Variants in BNC2 observed in about 807,000 individuals in gnomAD.
BNC2 encodes the protein basonuclin zinc finger protein 2.
A neutral mutation model predicts 76.3 loss-of-function variants in BNC2; 20 were observed. The observed-to-expected ratio is 0.26, with a 90% confidence interval of 0.18 to 0.38. The LOEUF is 0.38. Ranked by LOEUF, BNC2 falls within the 10% of genes least tolerant of loss-of-function variation. The probability of loss-of-function intolerance (pLI) is 1.00; values close to 1 mark genes in which losing one functional copy is unlikely to be tolerated. For synonymous variants in BNC2, 582 were observed against 514.8 expected (o/e 1.13, Z -1.77); for missense variants, 1,382 against 1,399.8 (o/e 0.99, Z 0.20).
intron 5 of BNC2, among the ~76,000 whole-genome samples, chr9:16,522,176 G>C (rs1817640836): frequency 6.6e-6 from 1 of 152,180 alleles, no homozygotes; most frequent in African/African-American, 2.4e-5. Flanking sequence ...GGAGGAGAGG[G>C]GAAGAGCAAC....
At chr9:16,525,762 C>T (rs1817780388) in intron 5 of BNC2, among the ~76,000 whole-genome samples, 1 of 152,108 alleles carries the variant, frequency 6.6e-6, no homozygotes, top group South Asian at 2.1e-4. Context: ...AATGTGCTCA[C>T]TATATTCCCC....
intron 1 of BNC2, among the ~76,000 whole-genome samples, chr9:16,790,918 T>A (rs945998538): frequency 2.0e-5 from 3 of 151,316 alleles, no homozygotes; most frequent in African/African-American, 7.3e-5. Flanking sequence ...CTTTGACAAT[T>A]CTCCCCTTTA....
At chr9:16,580,169 A>C in intron 4 of BNC2, 1 of 398,532 alleles carries the variant, frequency 2.5e-6, no homozygotes, top group East Asian at 3.6e-5. Context: ...AGAGGGAATG[A>C]AGCAATTAGT....
chr9:16,670,952 G>C (rs1159349290), intron 3 of BNC2, among the ~76,000 whole-genome samples: 1 of 152,104 alleles, frequency 6.6e-6, no homozygotes, highest in Admixed American at 6.6e-5. Flanking sequence ...CCCTGAGCTT[G>C]CCCCACCTGA....
chr9:16,783,120 T>A (rs1452994675), intron 1 of BNC2, among the ~76,000 whole-genome samples: 2 of 152,190 alleles, frequency 1.3e-5, no homozygotes, highest in Non-Finnish European at 2.9e-5. Flanking sequence ...TATGTTAATG[T>A]CTTAAATACA....
At chr9:16,537,527 G>A (rs2132310261) in intron 5 of BNC2, among the ~76,000 whole-genome samples, 1 of 151,462 alleles carries the variant, frequency 6.6e-6, no homozygotes, top group Non-Finnish European at 1.5e-5. Flanking sequence ...AAAGAACACT[G>A]TAGAAAAATA....
chr9:16,617,392 C>T (rs776402276), intron 3 of BNC2, among the ~76,000 whole-genome samples: 12 of 151,820 alleles, frequency 7.9e-5, no homozygotes, highest in Non-Finnish European at 1.2e-4. Context: ...GAAAACAAAG[C>T]GGAATATGAA....
At chr9:16,465,087 T>A (rs1587060270) in intron 5 of BNC2, among the ~76,000 whole-genome samples, 2 of 152,156 alleles carry the variant, frequency 1.3e-5, no homozygotes, top group East Asian at 3.9e-4. Context: ...CATGATCAGT[T>A]ACAAAATATT....
At chr9:16,728,959 TAAGAA>T (rs145796379) in intron 2 of BNC2, among the ~76,000 whole-genome samples, 1,879 of 151,876 alleles carry the variant, frequency 0.012, 40 homozygotes, top group African/African-American at 0.042. Context: ...TTCAAATCGT[TAAGAA>T]AAGAAAAAGA....
At chr9:16,575,268 T>C (rs973710548) in intron 4 of BNC2, 3 of 985,408 alleles carry the variant, frequency 3.0e-6, no homozygotes, top group Admixed American at 1.2e-4. Context: ...CTCCCATTCA[T>C]TCACCCGAAG....
Position 16,808,000 on chromosome 9 carries a change from T to C in BNC2, c.3+62646A>G, listed in dbSNP as rs561135641. Among the ~76,000 whole-genome samples, 9 of 152,290 alleles carry C rather than the reference T, an allele frequency of 5.9e-5. No homozygotes were observed. The East Asian group carries it at 1.7e-3, about 29-fold the overall frequency. ...TTAACTTTCTGAGCTTAAGTTTCCTTGTCTGTAAAATAAGAATAATAATAC... is the reference window on the plus strand; with the variant it reads ...TTAACTTTCTGAGCTTAAGTTTCCTCGTCTGTAAAATAAGAATAATAATAC... On this transcript the variant is annotated intron_variant, in intron 1 of 6. Coordinates refer to ENST00000380672, the MANE Select transcript of BNC2 (RefSeq NM_017637.6).
intron 3 of BNC2, chr9:16,665,099 T>C (rs1822230050): frequency 4.4e-6 from 2 of 456,050 alleles, no homozygotes; most frequent in African/African-American, 4.0e-5. Flanking sequence ...CCGGGTGCAG[T>C]GGCTCACGCC....
intron 5 of BNC2, among the ~76,000 whole-genome samples, chr9:16,545,424 G>T (rs1292908185): frequency 1.3e-5 from 2 of 152,114 alleles, no homozygotes; most frequent in African/African-American, 4.8e-5. Context: ...TCAAAGCCAT[G>T]AGTACTATTA....
intron 3 of BNC2, among the ~76,000 whole-genome samples, chr9:16,708,166 A>T (rs1306863761): frequency 6.6e-6 from 1 of 152,164 alleles, no homozygotes; most frequent in Non-Finnish European, 1.5e-5. Flanking sequence ...TAGAAATGTT[A>T]ATTTATTTTG....
At chr9:16,468,521 G>A (rs762130266) in intron 5 of BNC2, among the ~76,000 whole-genome samples, 4 of 151,650 alleles carry the variant, frequency 2.6e-5, no homozygotes, top group Non-Finnish European at 4.4e-5. Context: ...TCAGCCTCCC[G>A]AATAGCTGGG....
intron 3 of BNC2, among the ~76,000 whole-genome samples, chr9:16,631,940 T>C (rs1445858140): frequency 1.3e-5 from 2 of 152,138 alleles, no homozygotes; most frequent in African/African-American, 4.8e-5. Flanking sequence ...TGTTCCACGA[T>C]AGGAAATAGC....
At chr9:16,653,744 G>C (rs915479253) in intron 3 of BNC2, among the ~76,000 whole-genome samples, 2 of 152,160 alleles carry the variant, frequency 1.3e-5, no homozygotes, top group Admixed American at 6.5e-5. Flanking sequence ...TGCTAGGTCT[G>C]ACAGTCTCTG....
intron 3 of BNC2, among the ~76,000 whole-genome samples, chr9:16,696,622 T>C (rs1391128839): frequency 6.6e-6 from 1 of 152,140 alleles, no homozygotes; most frequent in Admixed American, 6.5e-5. Flanking sequence ...TCTTTGTATT[T>C]CCCAATAGCA....
chr9:16,767,105 T>C (rs186896139), intron 1 of BNC2, among the ~76,000 whole-genome samples: 194 of 152,300 alleles, frequency 1.3e-3, no homozygotes, highest in Middle Eastern at 6.8e-3. Flanking sequence ...CAAAGGAGAA[T>C]CTAGGAAGAT....
Sources: gnomAD v4.1 joint callset for allele counts (sites outside exome capture counted in the v4.1 genomes callset) on GRCh38, gnomAD v4.1.1 for gene constraint, MANE v1.5 for transcripts, NCBI Gene and HGNC (gene_info 2026-07-23, HGNC 2026-07-21) for gene names.